Variants in CSMD1 observed in about 807,000 individuals in gnomAD.
CSMD1 encodes the protein CUB and Sushi multiple domains 1, also known as CUB and sushi domain-containing protein 1.
A neutral mutation model predicts 417.5 loss-of-function variants in CSMD1; 213 were observed. The observed-to-expected ratio is 0.51, with a 90% CI of 0.46 to 0.57. The LOEUF (loss-of-function observed/expected upper bound fraction) is 0.57. CSMD1 is among the 20% of genes least tolerant of loss of function. The pLI, the probability that CSMD1 is intolerant of heterozygous loss-of-function variation, is 0.00. For missense variants in CSMD1, 6,923 were observed against 4,529.7 expected, an observed-to-expected ratio of 1.53 and a Z score of -15.17; for synonymous variants, 2,862 against 1,736.8, an observed-to-expected ratio of 1.65 and a Z score of -16.11.
chr8:3,622,572 G>T (rs989900504), intron 7 of CSMD1, among the ~76,000 whole-genome samples: 3 of 152,196 alleles, frequency 2.0e-5, no homozygotes, highest in Non-Finnish European at 2.9e-5. Context: ...CTAAAAAAAG[G>T]TTACTTAGTT....
chr8:3,298,529 C>G (rs1175040178), intron 25 of CSMD1, among the ~76,000 whole-genome samples: 1 of 152,212 alleles, frequency 6.6e-6, no homozygotes, highest in African/African-American at 2.4e-5. Context: ...TCGTGGCTCA[C>G]TGCAACCTCT....
At chr8:3,756,090 C>A (rs1205781142) in intron 5 of CSMD1, among the ~76,000 whole-genome samples, 1 of 152,060 alleles carries the variant, frequency 6.6e-6, no homozygotes, top group Non-Finnish European at 1.5e-5. Flanking sequence ...GGCGCAGTGG[C>A]TCACACCTCT....
chr8:4,439,828 G>C (rs528644241), intron 2 of CSMD1, among the ~76,000 whole-genome samples: 2 of 152,102 alleles, frequency 1.3e-5, no homozygotes, highest in Non-Finnish European at 2.9e-5. Context: ...AAAATTAAAG[G>C]CACTAATACA....
chr8:3,161,467 A>C (rs1056832133), intron 38 of CSMD1, among the ~76,000 whole-genome samples: 16 of 151,936 alleles, frequency 1.1e-4, no homozygotes, highest in African/African-American at 3.4e-4. Flanking sequence ...AAATACAAAA[A>C]GTAGCCGGGT....
rs558466325 is a variant in CSMD1, at chr8:4,196,309, G to A, written c.416-164210C>T. 5.9e-4 allele frequency among the ~76,000 whole-genome samples: 90 copies of A among 152,220 alleles called. 1 individual carries two copies. In the South Asian group the frequency reaches 0.013, roughly 22 times the overall value. ...TTACAGAGCGCTCATTTGTTCTATC[G>A]CTGCCGTACATTACTACAAATAGAG... On this transcript the variant is annotated intron_variant, in intron 3 of 69. Coordinates refer to ENST00000635120, the MANE Select transcript of CSMD1 (RefSeq NM_033225.6).
chr8:3,748,739 A>G (rs1017337614), intron 6 of CSMD1, among the ~76,000 whole-genome samples: 2 of 152,214 alleles, frequency 1.3e-5, no homozygotes, highest in South Asian at 2.1e-4. Flanking sequence ...CAATAACTCA[A>G]AATGCCTTTC....
chr8:3,877,010 T>C (rs1380635320), intron 5 of CSMD1, among the ~76,000 whole-genome samples: 2 of 152,244 alleles, frequency 1.3e-5, no homozygotes, highest in African/African-American at 2.4e-5. Context: ...TACTTTCATA[T>C]GAAATGTGAG....
chr8:4,106,648 G>C (rs985984590), intron 3 of CSMD1, among the ~76,000 whole-genome samples: 1 of 152,092 alleles, frequency 6.6e-6, no homozygotes, highest in Non-Finnish European at 1.5e-5. Context: ...ATGTTGATAG[G>C]TATTCACTAT....
chr8:4,197,248 T>C (rs7840845), intron 3 of CSMD1, among the ~76,000 whole-genome samples: 1 of 152,158 alleles, frequency 6.6e-6, no homozygotes, highest in Non-Finnish European at 1.5e-5. Flanking sequence ...TAATTTCGTA[T>C]AACCAGATAG....
At chr8:4,033,920 G>A (rs976494936) in intron 3 of CSMD1, among the ~76,000 whole-genome samples, 4 of 152,104 alleles carry the variant, frequency 2.6e-5, no homozygotes, top group African/African-American at 9.7e-5. Context: ...CCATATCTAA[G>A]GTTTAAATTT....
At chr8:3,052,824 C>A (rs1811955662) in intron 49 of CSMD1, among the ~76,000 whole-genome samples, 177 bp from the exon 50 acceptor site, 1 of 146,756 alleles carries the variant, frequency 6.8e-6, no homozygotes, top group African/African-American at 2.5e-5. Context: ...TGCTGTCTCC[C>A]AGGCTGGAGT....
At chr8:4,794,709 A>G (rs1797878666) in intron 1 of CSMD1, among the ~76,000 whole-genome samples, 1 of 152,226 alleles carries the variant, frequency 6.6e-6, no homozygotes, top group Non-Finnish European at 1.5e-5. Context: ...GCCATGTGGC[A>G]GAGTATTTTC....
intron 1 of CSMD1, among the ~76,000 whole-genome samples, chr8:4,839,204 T>C (rs1800691421): frequency 6.6e-6 from 1 of 152,130 alleles, no homozygotes; most frequent in East Asian, 1.9e-4. Flanking sequence ...CTGTCATGAG[T>C]CACTCTGAAT....
intron 11 of CSMD1, among the ~76,000 whole-genome samples, chr8:3,493,258 C>T (rs1204632371): frequency 7.2e-6 from 1 of 138,964 alleles, no homozygotes; most frequent in Non-Finnish European, 1.5e-5. Context: ...CTGACCACTG[C>T]ACTGCAGCCT....
intron 2 of CSMD1, among the ~76,000 whole-genome samples, chr8:4,516,646 T>C (rs1156807871): frequency 6.6e-6 from 1 of 152,190 alleles, no homozygotes; most frequent in Non-Finnish European, 1.5e-5. Flanking sequence ...TGTGTGATCC[T>C]GCCTCTCTCA....
intron 25 of CSMD1, among the ~76,000 whole-genome samples, chr8:3,285,458 C>G (rs930557475): frequency 2.6e-5 from 4 of 151,354 alleles, no homozygotes; most frequent in Non-Finnish European, 5.9e-5. Context: ...ATGATCTTGG[C>G]TCACTGCAAC....
rs921599067 is a variant in CSMD1 at position 3,908,142 on chromosome 8, A to C, written c.818+89761T>G. On this transcript the variant is annotated intron_variant, in intron 5 of 69. Coordinates refer to ENST00000635120, the MANE Select transcript of CSMD1 (RefSeq NM_033225.6). ...CCTCTGAGAATAACAAATACATGGC[A>C]ATCACTATAAACCTGCATTTATGCA... Among the ~76,000 whole-genome samples, 4 of 152,296 alleles carry C rather than the reference A, an allele frequency of 2.6e-5. No individual in the cohort carries two copies. The South Asian group carries it at 8.3e-4, about 32-fold the overall frequency.
In CSMD1 at chr8:3,041,463, C is replaced by T. The variant is rs150126659; in HGVS notation, c.7660+10999G>A. Among the ~76,000 whole-genome samples, 787 of 152,154 alleles carry T rather than the reference C, an allele frequency of 5.2e-3. 7 individuals are homozygous for T. The highest frequency in any genetic ancestry group is 0.018 in the African/African-American group (756 of 41,494). ...CACCTTGAAAACCTTTTTCTAGCAA[C>T]ATTTAAATTTTTTCTAGGCGTAATA... On this transcript the variant is annotated intron_variant, in intron 50 of 69. Coordinates refer to ENST00000635120, the MANE Select transcript of CSMD1 (RefSeq NM_033225.6).
chr8:3,149,219 T>C (rs1819040550), intron 40 of CSMD1, among the ~76,000 whole-genome samples: 1 of 152,160 alleles, frequency 6.6e-6, no homozygotes, highest in Admixed American at 6.5e-5. Context: ...AATACAGAAA[T>C]ATACTAAATG....
Sources: allele counts gnomAD v4.1 joint callset (sites outside exome capture counted in the v4.1 genomes callset), GRCh38; gene constraint gnomAD v4.1.1; transcripts MANE v1.5; gene names NCBI Gene and HGNC (gene_info 2026-07-23, HGNC 2026-07-21).